The following GALNTL6 variants were observed in gnomAD, a reference collection of about 807,000 sequenced individuals.
GALNTL6 encodes polypeptide N-acetylgalactosaminyltransferase-like 6.
A neutral mutation model predicts 73.7 loss-of-function variants in GALNTL6; 46 were observed. The ratio of observed to expected loss-of-function variants is 0.62; its 90% CI spans 0.49 to 0.80. The LOEUF is 0.80. GALNTL6 is among the 30% of genes least tolerant of loss of function. The pLI is 0.00. For missense variants in GALNTL6, 604 were observed against 755.0 expected (o/e 0.80, Z 2.34); for synonymous variants, 259 against 263.7 (o/e 0.98, Z 0.17).
chr4:172,695,009 T>A (rs1283153265), intron 5 of GALNTL6, among the ~76,000 whole-genome samples: 1 of 152,210 alleles, frequency 6.6e-6, no homozygotes, highest in Non-Finnish European at 1.5e-5. Flanking sequence ...CTTTGGCAAA[T>A]CATGCTTGTG....
intron 2 of GALNTL6, among the ~76,000 whole-genome samples, chr4:171,969,283 T>C (rs1214940079): frequency 6.6e-6 from 1 of 152,194 alleles, no homozygotes; most frequent in East Asian, 1.9e-4. Flanking sequence ...AATATACTGC[T>C]AGAGTGTGTA....
chr4:172,736,666 A>G (rs1736484919), intron 5 of GALNTL6, among the ~76,000 whole-genome samples: 1 of 152,264 alleles, frequency 6.6e-6, no homozygotes, highest in African/African-American at 2.4e-5. Context: ...AATGTCCATG[A>G]AATCTTCACA....
intron 2 of GALNTL6, among the ~76,000 whole-genome samples, chr4:171,936,796 T>C (rs1674202904): frequency 6.6e-6 from 1 of 152,122 alleles, no homozygotes; most frequent in Non-Finnish European, 1.5e-5. Context: ...TTCTTCACAT[T>C]TGCACCTCAG....
chr4:172,126,536 A>G (rs753541977), intron 2 of GALNTL6, among the ~76,000 whole-genome samples: 3 of 152,200 alleles, frequency 2.0e-5, no homozygotes, highest in Non-Finnish European at 4.4e-5. Flanking sequence ...CTCAGCAAGG[A>G]TCAGCTGGCA....
At chr4:172,345,282 G>A (rs1403545734) in intron 4 of GALNTL6, among the ~76,000 whole-genome samples, 3 of 152,084 alleles carry the variant, frequency 2.0e-5, no homozygotes, top group Admixed American at 1.3e-4. Context: ...ATAGTAAGGA[G>A]TTTATAATGT....
intron 5 of GALNTL6, among the ~76,000 whole-genome samples, chr4:172,710,743 A>T (rs1187909608): frequency 6.6e-6 from 1 of 152,204 alleles, no homozygotes; most frequent in Non-Finnish European, 1.5e-5. Context: ...TTTTAATAAA[A>T]TTATTAAATC....
At chr4:172,139,517 T>C (rs1018390159) in intron 2 of GALNTL6, among the ~76,000 whole-genome samples, 2 of 152,200 alleles carry the variant, frequency 1.3e-5, no homozygotes, top group Non-Finnish European at 2.9e-5. Context: ...AACTGGGGTA[T>C]TAATGTAACC....
At chr4:172,611,914 A>G (rs377378848) in intron 5 of GALNTL6, among the ~76,000 whole-genome samples, 2 of 152,226 alleles carry the variant, frequency 1.3e-5, no homozygotes, top group East Asian at 1.9e-4. Context: ...AGTTAAATGT[A>G]AAGTGCATGT....
At chr4:172,858,434 G>A (rs1219453731) in intron 7 of GALNTL6, among the ~76,000 whole-genome samples, 1 of 152,134 alleles carries the variant, frequency 6.6e-6, no homozygotes, top group Non-Finnish European at 1.5e-5. Flanking sequence ...TTTCAATAGG[G>A]AAGTCAGAAA....
intron 12 of GALNTL6, among the ~76,000 whole-genome samples, chr4:173,023,672 A>G (rs949752816): frequency 6.8e-6 from 1 of 146,924 alleles, no homozygotes; most frequent in East Asian, 2.0e-4. Flanking sequence ...CAAAAAAAGC[A>G]AAAAAAAATC....
At chr4:172,820,542 A>G (rs1741865875) in intron 7 of GALNTL6, among the ~76,000 whole-genome samples, 1 of 152,238 alleles carries the variant, frequency 6.6e-6, no homozygotes, top group South Asian at 2.1e-4. Flanking sequence ...AATTTAATAT[A>G]GAATATAAGC....
At chr4:172,104,474 G>A (rs981450466) in intron 2 of GALNTL6, among the ~76,000 whole-genome samples, 1 of 152,086 alleles carries the variant, frequency 6.6e-6, no homozygotes, top group African/African-American at 2.4e-5. Flanking sequence ...GTAAATTGGA[G>A]GCTAGGAAAC....
chr4:172,042,054 A>G (rs1742101238), intron 2 of GALNTL6, among the ~76,000 whole-genome samples: 2 of 152,066 alleles, frequency 1.3e-5, no homozygotes, highest in Non-Finnish European at 2.9e-5. Context: ...AGGGGTATTC[A>G]GCCACCTTCC....
In GALNTL6 at chr4:172,067,166, A is replaced by C. The variant is rs566135428; in HGVS notation, c.139-162490A>C. 3.3e-5 allele frequency among the ~76,000 whole-genome samples: 5 copies of C among 151,916 alleles called. No individual in the cohort carries two copies. In the East Asian group the frequency reaches 9.8e-4, roughly 30 times the overall value. Reference sequence around the variant, plus strand: ...TAGATCATACATTCTAGATCTTTTCATCTCTAATATTTCCTACTTTAAAAG... The same window carrying C: ...TAGATCATACATTCTAGATCTTTTCCTCTCTAATATTTCCTACTTTAAAAG... On this transcript the variant is annotated intron_variant, in intron 2 of 12. Transcript: ENST00000506823.
chr4:172,018,575 C>T lies in GALNTL6; in HGVS notation c.138+203857C>T, dbSNP rs147762854. 7.2e-5 allele frequency among the ~76,000 whole-genome samples: 11 copies of T among 152,120 alleles called. No homozygotes were observed. The East Asian group carries it at 1.7e-3, about 24-fold the overall frequency. On this transcript the variant is annotated intron_variant, in intron 2 of 12. Transcript: ENST00000506823. ...TCCCTCAGTATCCTATTAACAGCTC[C>T]GAGTTTAGATCTGGGCAGCCTGCAC...
At chr4:171,944,246 T>C (rs1031578046) in intron 2 of GALNTL6, among the ~76,000 whole-genome samples, 1 of 152,106 alleles carries the variant, frequency 6.6e-6, no homozygotes. Flanking sequence ...TTATTAATTG[T>C]AGCTTTCTAT....
chr4:172,689,708 T>A (rs1733150521), intron 5 of GALNTL6, among the ~76,000 whole-genome samples: 1 of 152,200 alleles, frequency 6.6e-6, no homozygotes, highest in Admixed American at 6.5e-5. Flanking sequence ...TTGCCCTGTC[T>A]CTGTATTCGT....
At chr4:172,732,598 TTC>T (rs1409147837) in intron 5 of GALNTL6, among the ~76,000 whole-genome samples, 4 of 152,242 alleles carry the variant, frequency 2.6e-5, no homozygotes, top group Admixed American at 2.6e-4. Flanking sequence ...GATTCCTCTC[TTC>T]TTTTCTTCCT....
chr4:172,911,820 T>C (rs1747220375), intron 8 of GALNTL6, among the ~76,000 whole-genome samples: 1 of 152,246 alleles, frequency 6.6e-6, no homozygotes, highest in African/African-American at 2.4e-5. Context: ...TGTTCCTTCC[T>C]TTATGTCTAA....
Sources: gnomAD v4.1 joint callset for allele counts (sites outside exome capture counted in the v4.1 genomes callset) on GRCh38, gnomAD v4.1.1 for gene constraint, MANE v1.5 for transcripts, NCBI Gene and HGNC (gene_info 2026-07-23, HGNC 2026-07-21) for gene names.